Variants in KDM4C observed in about 807,000 individuals in gnomAD.
KDM4C encodes the protein lysine-specific demethylase 4C.
A neutral mutation model predicts 129.3 loss-of-function variants in KDM4C; 81 were observed. The observed-to-expected ratio is 0.63, with a 90% CI of 0.52 to 0.75. The LOEUF is 0.75. Ranked by LOEUF, KDM4C falls within the 30% of genes least tolerant of loss-of-function variation. The pLI, the probability that KDM4C is intolerant of heterozygous loss-of-function variation, is 0.00. For missense variants in KDM4C, 1,457 were observed against 1,304.0 expected (o/e 1.12, Z -1.81); for synonymous variants, 573 against 456.1 (o/e 1.26, Z -3.26).
chr9:7,095,102 G>A (rs1372590105), intron 17 of KDM4C, among the ~76,000 whole-genome samples: 1 of 152,236 alleles, frequency 6.6e-6, no homozygotes, highest in Non-Finnish European at 1.5e-5. Context: ...GTTAAAAAAT[G>A]CCTGGGGGAA....
chr9:7,134,282 G>A (rs1685713055), intron 19 of KDM4C, among the ~76,000 whole-genome samples: 1 of 152,186 alleles, frequency 6.6e-6, no homozygotes, highest in African/African-American at 2.4e-5. Flanking sequence ...TTTTAGTTAC[G>A]AGGGAAACCT....
intron 1 of KDM4C, among the ~76,000 whole-genome samples, chr9:6,767,600 A>C (rs965428858): frequency 3.3e-5 from 5 of 152,038 alleles, no homozygotes; most frequent in African/African-American, 1.2e-4. Flanking sequence ...ATGCCTGGCT[A>C]ATTTTTGTGT....
chr9:6,767,423 G>C (rs1459235892), intron 1 of KDM4C, among the ~76,000 whole-genome samples: 1 of 151,594 alleles, frequency 6.6e-6, no homozygotes, highest in East Asian at 1.9e-4. Flanking sequence ...TTACAGGCGT[G>C]AGCCACCATG....
intron 19 of KDM4C, among the ~76,000 whole-genome samples, chr9:7,145,197 C>A (rs143579257): frequency 2.0e-5 from 3 of 152,096 alleles, no homozygotes; most frequent in African/African-American, 7.2e-5. Flanking sequence ...CAGAGGGTGG[C>A]GGGGGAGAAA....
intron 11 of KDM4C, among the ~76,000 whole-genome samples, chr9:6,989,997 C>G (rs1443926394): frequency 6.6e-6 from 1 of 151,822 alleles, no homozygotes; most frequent in Non-Finnish European, 1.5e-5. Context: ...AGGCTAGTCT[C>G]AAGCTCCTGG....
chr9:7,093,813 A>G (rs1243445156), intron 17 of KDM4C, among the ~76,000 whole-genome samples: 1 of 152,166 alleles, frequency 6.6e-6, no homozygotes, highest in Non-Finnish European at 1.5e-5. Flanking sequence ...AATATTTTGA[A>G]ACTGTCTCTG....
intron 8 of KDM4C, among the ~76,000 whole-genome samples, chr9:6,938,364 CT>C (rs2131368685): frequency 6.6e-6 from 1 of 152,208 alleles, no homozygotes; most frequent in African/African-American, 2.4e-5. Context: ...CAGTTCTAAA[CT>C]TTTTTAGGAG....
chr9:6,986,753 T>C, intron 11 of KDM4C, 87 bp downstream of exon 11: 2 of 899,812 alleles, frequency 2.2e-6, no homozygotes, highest in South Asian at 1.8e-5. Flanking sequence ...GAAATCCTCC[T>C]TTAGGGCACA....
upstream of KDM4C, among the ~76,000 whole-genome samples, chr9:6,752,661 C>T (rs1158365614): frequency 6.6e-6 from 1 of 151,832 alleles, no homozygotes. Context: ...CCGTCCACCT[C>T]GCCTTCCCTG....
intron 18 of KDM4C, among the ~76,000 whole-genome samples, chr9:7,109,281 T>C (rs1192501788): frequency 6.6e-6 from 1 of 152,210 alleles, no homozygotes; most frequent in Non-Finnish European, 1.5e-5. Context: ...AAAATTTTTA[T>C]AAACATGAAG....
intron 8 of KDM4C, among the ~76,000 whole-genome samples, chr9:6,954,716 T>C (rs1231450488): frequency 6.6e-6 from 1 of 152,220 alleles, no homozygotes; most frequent in Non-Finnish European, 1.5e-5. Context: ...TTCTTAAAAG[T>C]ACCTAGCCCA....
At chr9:6,986,861 G>T (rs578032330) in intron 11 of KDM4C, 195 bp downstream of exon 11, 3 of 494,952 alleles carry the variant, frequency 6.1e-6, no homozygotes, top group Non-Finnish European at 1.1e-5. Flanking sequence ...TGATAATTTA[G>T]CACATGGAGC....
At chr9:6,762,935 C>T (rs1468648751) in intron 1 of KDM4C, among the ~76,000 whole-genome samples, 2 of 152,138 alleles carry the variant, frequency 1.3e-5, no homozygotes, top group African/African-American at 4.8e-5. Flanking sequence ...TGGGGGATTA[C>T]AGGCATGAGC....
At chr9:6,763,974 G>A (rs1563951554) in intron 1 of KDM4C, among the ~76,000 whole-genome samples, 1 of 152,162 alleles carries the variant, frequency 6.6e-6, no homozygotes, top group Non-Finnish European at 1.5e-5. Flanking sequence ...GGTTAGGCTG[G>A]TCTCGAACTC....
intron 1 of KDM4C, among the ~76,000 whole-genome samples, chr9:6,762,945 C>T (rs951989683): frequency 4.6e-5 from 7 of 151,992 alleles, no homozygotes; most frequent in African/African-American, 1.7e-4. Flanking sequence ...CAGGCATGAG[C>T]CACCACACCC....
At chr9:7,055,794 T>G (rs952615950) in intron 17 of KDM4C, among the ~76,000 whole-genome samples, 8 of 152,244 alleles carry the variant, frequency 5.3e-5, no homozygotes, top group Non-Finnish European at 2.9e-5. Context: ...AGATAGGGTC[T>G]GCCTCTTGTG....
chr9:7,044,474 A>G (rs6477140), intron 15 of KDM4C, among the ~76,000 whole-genome samples: 87,876 of 151,602 alleles, frequency 0.58, 26,159 homozygotes, highest in Non-Finnish European at 0.65. Context: ...GGATACTGGG[A>G]CTATCAGCGA....
At chr9:6,852,168 A>T (rs1838967987) in intron 5 of KDM4C, among the ~76,000 whole-genome samples, 1 of 152,180 alleles carries the variant, frequency 6.6e-6, no homozygotes, top group Non-Finnish European at 1.5e-5. Context: ...CAGCATAAAT[A>T]ATTTTGAGGT....
chr9:6,955,611 A>G (rs1457490556), intron 8 of KDM4C, among the ~76,000 whole-genome samples: 1 of 152,206 alleles, frequency 6.6e-6, no homozygotes, highest in East Asian at 1.9e-4. Flanking sequence ...CCAGCCTCTG[A>G]TTAATGGCAT....
Sources: gnomAD v4.1 joint callset for allele counts (sites outside exome capture counted in the v4.1 genomes callset) on GRCh38, gnomAD v4.1.1 for gene constraint, MANE v1.5 for transcripts, NCBI Gene and HGNC (gene_info 2026-07-23, HGNC 2026-07-21) for gene names.